BRSK2: variants seen among roughly 807,000 people sequenced by gnomAD.
BRSK2 encodes the protein BR serine/threonine kinase 2.
BRSK2 carries 19 observed loss-of-function variants against 83.3 expected under a neutral mutation model. The ratio of observed to expected loss-of-function variants is 0.23; its 90% CI spans 0.16 to 0.33. BRSK2 has a LOEUF of 0.33. Among genes scored for constraint, BRSK2 ranks in the 10% least tolerant of loss-of-function variants. The probability of loss-of-function intolerance (pLI) is 1.00; values close to 1 mark genes in which losing one functional copy is unlikely to be tolerated. For synonymous variants in BRSK2, 519 were observed against 435.4 expected (o/e 1.19, Z -2.39); for missense variants, 798 against 1,042.3 (o/e 0.77, Z 3.23).
chr11:1,452,679 A>C (rs1457246692), intron 15 of BRSK2, among the ~76,000 whole-genome samples: 1 of 150,246 alleles, frequency 6.7e-6, no homozygotes, highest in Non-Finnish European at 1.5e-5. Flanking sequence ...GCTCCACCCA[A>C]GGGCCCGGCA....
intron 15 of BRSK2, among the ~76,000 whole-genome samples, chr11:1,452,980 G>A (rs11602061): frequency 0.22 from 33,271 of 152,222 alleles, 4,187 homozygotes; most frequent in Non-Finnish European, 0.28. Context: ...GCATGCGGTT[G>A]TCTGGGACAC....
intron 1 of BRSK2, among the ~76,000 whole-genome samples, chr11:1,406,241 C>T (rs963754393): frequency 6.6e-6 from 1 of 152,158 alleles, no homozygotes; most frequent in Non-Finnish European, 1.5e-5. Context: ...GAGGCCAAGG[C>T]TGCCAAGGTC....
In BRSK2 at chr11:1,429,169, T is replaced by C. The variant is rs572839968; in HGVS notation, c.92-6871T>C. On this transcript the variant is annotated intron_variant, in intron 1 of 19. Coordinates refer to ENST00000528841, the MANE Select transcript of BRSK2 (RefSeq NM_001256627.2). ...GTGCATGGGTGTGTGTGCACGGGTG[T>C]GTGTCCTGGGTGCATGCGCGTGTGC... is the stretch of plus-strand genomic sequence containing the variant. Among the ~76,000 whole-genome samples the C allele has an allele frequency of 1.6e-3, 231 of 142,080 alleles. 1 individual carries two copies. Among genetic ancestry groups the C allele is most frequent in the Middle Eastern group, 9.6e-3 (2 of 208 alleles). 93.2% of individuals were successfully genotyped at this position (142,080 alleles called of 152,430 possible).
chr11:1,407,231 C>G (rs1846945679), intron 1 of BRSK2, among the ~76,000 whole-genome samples: 1 of 152,166 alleles, frequency 6.6e-6, no homozygotes. Context: ...CCTGCCCTCT[C>G]TGAGCTTGGT....
chr11:1,460,460 C>CTTTTTT (rs781049550), intron 19 of BRSK2, 40 bp from the exon 20 acceptor site: 14 of 1,122,760 alleles, frequency 1.2e-5, no homozygotes, highest in African/African-American at 3.7e-5. Flanking sequence ...TTTCTTTTTT[C>CTTTTTT]CTTTTTTTTT....
At chr11:1,412,567 A>G (rs892054569) in intron 1 of BRSK2, among the ~76,000 whole-genome samples, 2 of 152,160 alleles carry the variant, frequency 1.3e-5, no homozygotes, top group African/African-American at 4.8e-5. Flanking sequence ...GCTGTTTGGT[A>G]GGCGGGGCCG....
intron 12 of BRSK2, among the ~76,000 whole-genome samples, chr11:1,446,342 A>ACTGGGCTGAGCTGGGCAGGG (rs1337222345): frequency 2.1e-4 from 23 of 109,742 alleles, no homozygotes; most frequent in African/African-American, 5.5e-4. Flanking sequence ...GACGGATTTG[A>ACTGGGCTGAGCTGGGCAGGG]CTGGGCTGAG....
rs546601499 is a variant in BRSK2 at position 1,424,304 on chromosome 11, C to A, written c.92-11736C>A. Among the ~76,000 whole-genome samples the A allele has an allele frequency of 1.9e-3, 287 of 152,140 alleles. 2 individuals are homozygous for A. The highest frequency in any genetic ancestry group is 6.7e-3 in the African/African-American group (280 of 41,532). On this transcript the variant is annotated intron_variant, in intron 1 of 19. Transcript: ENST00000528841. ...GTGTCCACCTGCGAGGCCCTCACCC[C>A]CTACTGCCTCATGTGGGGGGTGCCC...
At chr11:1,419,797 C>T (rs1475871426) in intron 1 of BRSK2, among the ~76,000 whole-genome samples, 1 of 152,244 alleles carries the variant, frequency 6.6e-6, no homozygotes, top group Non-Finnish European at 1.5e-5. Flanking sequence ...CCTGTAATCC[C>T]AGCTGCTCAG....
At chr11:1,442,918 C>T (rs527328537) in intron 5 of BRSK2, among the ~76,000 whole-genome samples, 188 bp from the exon 6 acceptor site, 35 of 152,258 alleles carry the variant, frequency 2.3e-4, no homozygotes, top group African/African-American at 6.0e-4. Flanking sequence ...CAGCTTTGGG[C>T]GCAGCAGAGA....
chr11:1,404,615 C>T (rs1846706919), intron 1 of BRSK2, among the ~76,000 whole-genome samples: 1 of 152,192 alleles, frequency 6.6e-6, no homozygotes, highest in African/African-American at 2.4e-5. Flanking sequence ...AGGTGGATGC[C>T]CTGCCCTGGT....
intron 1 of BRSK2, among the ~76,000 whole-genome samples, chr11:1,408,970 GTGT>G (rs1847128946): frequency 3.2e-5 from 4 of 124,752 alleles, no homozygotes; most frequent in African/African-American, 1.1e-4. Context: ...CTGTGCAGGT[GTGT>G]GTGTGTGTGT....
At position 1,460,512 on chromosome 11, in the gene BRSK2, G is replaced by A. The variant is rs1184806542; in HGVS notation, c.2000G>A (p.Ser667Asn). Reference sequence around the variant, plus strand: ...TCTGTGTACCCAGGCAGCCCATTGAGTAACTTCTTTGACGTAATTAAACAA... The same window carrying A: ...TCTGTGTACCCAGGCAGCCCATTGAATAACTTCTTTGACGTAATTAAACAA... The part of the protein sequence containing the change: ...GRLSKCGSPL[S>N]NFFDVIKQLF... The change falls in exon 20 of 20, where the codon AGT becomes AAT. Residue 667 changes from serine (S) to asparagine (N), a missense_variant. Transcript: ENST00000528841. The A allele has an allele frequency of 3.4e-5, 46 of 1,359,078 alleles. No individual in the cohort carries two copies. Among genetic ancestry groups the A allele is most frequent in the Non-Finnish European group, 4.1e-5 (43 of 1,046,742 alleles). 84.2% of individuals were successfully genotyped at this position (1,359,078 alleles called of 1,614,324 possible).
rs754183975 is a variant in BRSK2 at position 1,461,363 on chromosome 11, C to T, written c.*640C>T. The stretch of plus-strand genomic sequence containing the variant: ...CCCGCCTCCCTGGCTGCGCCGCCTC[C>T]GTGTAGTCTTGGCCTCCTCAGGCTG... On this transcript the variant is annotated 3_prime_UTR_variant, in exon 20 of 20. Transcript: ENST00000528841. 7.3e-5 allele frequency: 24 copies of T among 326,780 alleles called. No individual in the cohort carries two copies. The highest frequency in any genetic ancestry group is 1.1e-4 in the Non-Finnish European group (19 of 177,012). The allele number at this position is 326,780 out of a possible 1,614,324, so 20.2% of individuals were successfully genotyped here.
chr11:1,411,000 G>T (rs924755047), intron 1 of BRSK2: 1 of 984,394 alleles, frequency 1.0e-6, no homozygotes, highest in Non-Finnish European at 1.2e-6. Context: ...GAGCAGGGGC[G>T]GAGAGAACAG....
At chr11:1,399,981 C>T (rs1846366671) in intron 1 of BRSK2, among the ~76,000 whole-genome samples, 4 of 152,206 alleles carry the variant, frequency 2.6e-5, no homozygotes, top group Admixed American at 2.6e-4. Flanking sequence ...CTCCGTTACG[C>T]AGGAATAGTC....
chr11:1,390,481 C>A lies in BRSK2; in HGVS notation c.91+106C>A. On this transcript the variant is annotated intron_variant, in intron 1 of 19. Transcript: ENST00000528841. This position sits in a 1 kb window ranked among gnomAD's most constrained non-coding sequence, Gnocchi z 6.8. Reference sequence around the variant, plus strand: ...CCGGCCGCGAAGCCGCAGGCCCGGCCCGGGCCCCGGCCGCGAACAATGGGC... The same window carrying A: ...CCGGCCGCGAAGCCGCAGGCCCGGCACGGGCCCCGGCCGCGAACAATGGGC... The A allele has an allele frequency of 1.8e-6, 1 of 547,102 alleles. No homozygotes were observed. Among genetic ancestry groups the A allele is most frequent in the Non-Finnish European group, 2.3e-6 (1 of 431,410 alleles). 33.9% of individuals were successfully genotyped at this position (547,102 alleles called of 1,614,324 possible). A position where few individuals can be genotyped will look rare whatever the true frequency, so the allele number is the denominator to read the frequency against.
chr11:1,418,043 G>C (rs1412893115), intron 1 of BRSK2, among the ~76,000 whole-genome samples: 1 of 150,222 alleles, frequency 6.7e-6, no homozygotes, highest in East Asian at 2.0e-4. Context: ...TCTTGAGAGT[G>C]GTTCTCCTGT....
At chr11:1,401,353 T>C (rs2134049774) in intron 1 of BRSK2, among the ~76,000 whole-genome samples, 1 of 152,342 alleles carries the variant, frequency 6.6e-6, no homozygotes, top group South Asian at 2.1e-4. Flanking sequence ...GCGGGTGCCC[T>C]CCTGGAAGTG....
Sources: allele counts gnomAD v4.1 joint callset (sites outside exome capture counted in the v4.1 genomes callset), GRCh38; gene constraint gnomAD v4.1.1; non-coding constraint Gnocchi (gnomAD v3.1); transcripts MANE v1.5; gene names NCBI Gene and HGNC (gene_info 2026-07-23, HGNC 2026-07-21).